LMLN: variants seen among roughly 807,000 people sequenced by gnomAD.
The protein encoded by LMLN is leishmanolysin like peptidase.
A neutral mutation model predicts 92.3 loss-of-function variants in LMLN; 70 were observed. The observed-to-expected ratio is 0.76, with a 90% CI of 0.63 to 0.92. LMLN has a LOEUF of 0.92. Among genes scored for constraint, LMLN ranks in the 40% least tolerant of loss-of-function variants. The pLI is 0.00. For synonymous variants in LMLN, 308 were observed against 296.2 expected, an observed-to-expected ratio of 1.04 and a Z score of -0.41; for missense variants, 691 against 814.6, an observed-to-expected ratio of 0.85 and a Z score of 1.85.
At chr3:197,992,587 GAAGAAATAAAAAATCTGAAC>G (rs1721905740) in intron 9 of LMLN, among the ~76,000 whole-genome samples, 1 of 152,116 alleles carries the variant, frequency 6.6e-6, no homozygotes, top group South Asian at 2.1e-4. Flanking sequence ...ACTGAATCAT[GAAGAAATAAAAAATCTGAAC>G]AGGTTAATAA....
chr3:197,964,931 C>G (rs1028460588), intron 1 of LMLN, among the ~76,000 whole-genome samples: 1 of 150,654 alleles, frequency 6.6e-6, no homozygotes, highest in Admixed American at 6.6e-5. Flanking sequence ...TGCTTGAATT[C>G]AGGAGGTGGA....
At chr3:197,977,349 A>G (rs1266611685) in intron 5 of LMLN, among the ~76,000 whole-genome samples, 1 of 152,182 alleles carries the variant, frequency 6.6e-6, no homozygotes, top group African/African-American at 2.4e-5. Context: ...TAAAAAAATG[A>G]TCAAACAATC....
rs1447792421 is a variant in LMLN, at chr3:198,038,952, C to A, written c.*285C>A. The stretch of plus-strand genomic sequence containing the variant: ...AGCAACCCAACCACCTCGTCAGCAA[C>A]CCAGCCACCTTCATCAGCAACCCAA... On this transcript the variant is annotated 3_prime_UTR_variant, in exon 16 of 16. Coordinates refer to ENST00000330198, the Ensembl canonical transcript of LMLN. 11 of 319,888 alleles carry A rather than the reference C, an allele frequency of 3.4e-5. 1 individual carries two copies. The highest frequency in any genetic ancestry group is 4.1e-5 in the Non-Finnish European group (7 of 171,932). 19.8% of individuals were successfully genotyped at this position (319,888 alleles called of 1,614,324 possible). A position where few individuals can be genotyped will look rare whatever the true frequency, so the allele number is the denominator to read the frequency against.
intron 14 of LMLN, among the ~76,000 whole-genome samples, chr3:198,034,923 A>C (rs1723170584): frequency 6.6e-6 from 1 of 152,086 alleles, no homozygotes; most frequent in Non-Finnish European, 1.5e-5. Flanking sequence ...GGCCAGGTGC[A>C]GTGGCTCAAA....
Position 198,019,170 on chromosome 3 carries a change from TGGAATTCCATTTGTTGGC to T in LMLN, c.1233-82_1233-65del. The T allele has an allele frequency of 7.4e-7, 1 of 1,356,960 alleles. No individual in the cohort carries two copies. The highest frequency in any genetic ancestry group is 2.4e-5 in the East Asian group (1 of 41,508). 84.1% of individuals were successfully genotyped at this position (1,356,960 alleles called of 1,614,324 possible). On this transcript the variant is annotated intron_variant, in intron 11 of 15. Transcript: ENST00000330198. This position sits in a 1 kb window ranked among gnomAD's most constrained non-coding sequence, Gnocchi z 5.5. ...AGGTTTGTATTTTTAGGCCAGGATC[TGGAATTCCATTTGTTGGC>T]TGTATAATGGACTTGCAGTATTTTC... is the stretch of plus-strand genomic sequence containing the variant.
intron 9 of LMLN, 30 bp from the exon 10 acceptor site, chr3:197,996,145 T>C (rs760480588): frequency 1.5e-6 from 2 of 1,340,976 alleles, no homozygotes; most frequent in Non-Finnish European, 2.1e-6. Context: ...TTGTACCATA[T>C]TTGTTTCTGA....
At position 197,992,434 on chromosome 3, in the gene LMLN, A is replaced by G. The variant is rs370556659; in HGVS notation, c.1047+1758A>G. 3.1e-3 allele frequency among the ~76,000 whole-genome samples: 466 copies of G among 152,316 alleles called. 5 individuals are homozygous for G. Among genetic ancestry groups the G allele is most frequent in the African/African-American group, 0.011 (450 of 41,574 alleles). On this transcript the variant is annotated intron_variant, in intron 9 of 15. Coordinates refer to ENST00000330198, the Ensembl canonical transcript of LMLN. ...GTTAGACTAAGAAGATGCAAATAAC[A>G]TAAGAAATGAAAGAGGAGACATTAC...
chr3:197,975,320 C>G (rs151182504), intron 3 of LMLN, among the ~76,000 whole-genome samples: 2 of 152,088 alleles, frequency 1.3e-5, no homozygotes, highest in Non-Finnish European at 2.9e-5. Flanking sequence ...TGCTTGCTTT[C>G]TCAAGTTTTT....
intron 11 of LMLN, among the ~76,000 whole-genome samples, chr3:198,003,457 C>T (rs1163695853): frequency 6.6e-6 from 1 of 152,088 alleles, no homozygotes; most frequent in Admixed American, 6.6e-5. Context: ...CACCTGTAAA[C>T]ATAGATGCAA....
intron 13 of LMLN, among the ~76,000 whole-genome samples, 179 bp from the exon 15 acceptor site, chr3:198,024,479 C>T (rs555950364): frequency 3.3e-5 from 5 of 152,258 alleles, no homozygotes; most frequent in East Asian, 1.9e-4. Context: ...CCTCACAAAA[C>T]CCTGGGATTA....
chr3:197,962,322 A>G, intron 1 of LMLN, among the ~76,000 whole-genome samples: 1 of 152,144 alleles, frequency 6.6e-6, no homozygotes, highest in Non-Finnish European at 1.5e-5. Flanking sequence ...ATTCCTTTGA[A>G]TTGCTGAGTA....
At chr3:197,969,087 C>G (rs1036601898) in intron 1 of LMLN, among the ~76,000 whole-genome samples, 2 of 144,558 alleles carry the variant, frequency 1.4e-5, no homozygotes, top group Admixed American at 7.0e-5. Context: ...TTCTCTCTGT[C>G]TTTTTTTTTT....
rs1723431056 is a variant in LMLN, at chr3:198,042,370, C to T, written c.*3703C>T. On this transcript the variant is annotated 3_prime_UTR_variant, in exon 16 of 16. Coordinates refer to ENST00000330198, the Ensembl canonical transcript of LMLN. The surrounding 1 kb of genome is among the most constrained non-coding windows in gnomAD (Gnocchi z 4.2). ...CACCACTGCACTGCAGCCTGGATGA[C>T]AGAGTGAGACTTTCTTGGGAAAAAA... The T allele has an allele frequency of 6.6e-6, 1 of 151,074 alleles. No homozygotes were observed. The highest frequency in any genetic ancestry group is 1.5e-5 in the Non-Finnish European group (1 of 67,980). 9.4% of individuals were successfully genotyped at this position (151,074 alleles called of 1,614,324 possible). A position where few individuals can be genotyped will look rare whatever the true frequency, so the allele number is the denominator to read the frequency against.
chr3:198,010,068 TG>T lies in LMLN; in HGVS notation c.1233-9184del, dbSNP rs1439622219. On this transcript the variant is annotated intron_variant, in intron 11 of 15. Coordinates refer to ENST00000330198, the Ensembl canonical transcript of LMLN. ...TTTTTGTATTGTTGATGTCTTCTATTGTTTTTTTGTTTTCAAATTCATTGAT... is the reference window on the plus strand; with the variant it reads ...TTTTTGTATTGTTGATGTCTTCTATTTTTTTTTGTTTTCAAATTCATTGAT... 3.3e-5 allele frequency among the ~76,000 whole-genome samples: 5 copies of T among 152,314 alleles called. No homozygotes were observed. The East Asian group carries it at 5.8e-4, about 18-fold the overall frequency.
intron 11 of LMLN, among the ~76,000 whole-genome samples, chr3:198,009,870 G>T (rs1444289440): frequency 6.6e-6 from 1 of 152,116 alleles, no homozygotes; most frequent in Admixed American, 6.6e-5. Context: ...TGGGGTAAAT[G>T]AGATATTTTG....
At chr3:198,030,508 A>C (rs553011579) in intron 14 of LMLN, among the ~76,000 whole-genome samples, 3 of 152,204 alleles carry the variant, frequency 2.0e-5, no homozygotes, top group Non-Finnish European at 4.4e-5. Flanking sequence ...AGTTGGGCTC[A>C]TCTCCTTTCA....
In LMLN at chr3:197,990,338, C is replaced by G. The variant is rs540072339; in HGVS notation, c.930-221C>G. 1.3e-3 allele frequency among the ~76,000 whole-genome samples: 191 copies of G among 152,154 alleles called. 2 individuals are homozygous for G. Among genetic ancestry groups the G allele is most frequent in the African/African-American group, 4.3e-3 (179 of 41,506 alleles). ...TCGGCCTGCTGAGGTGCTGGGATTA[C>G]AGGTGTGAGCCACTGCACCCAACCA... On this transcript the variant is annotated intron_variant, in intron 8 of 15. Coordinates refer to ENST00000330198, the Ensembl canonical transcript of LMLN.
intron 14 of LMLN, among the ~76,000 whole-genome samples, chr3:198,027,511 C>T (rs1234919459): frequency 6.6e-6 from 1 of 152,074 alleles, no homozygotes; most frequent in Admixed American, 6.6e-5. Context: ...ACAATCCCTC[C>T]CTCTTCCTCC....
chr3:197,982,545 G>A (rs1158005821), intron 6 of LMLN, among the ~76,000 whole-genome samples: 1 of 152,068 alleles, frequency 6.6e-6, no homozygotes, highest in African/African-American at 2.4e-5. Flanking sequence ...TCTTTTTCAA[G>A]GAAGTGAAAC....
Sources: gnomAD v4.1 joint callset for allele counts (sites outside exome capture counted in the v4.1 genomes callset) on GRCh38, gnomAD v4.1.1 for gene constraint, Gnocchi (gnomAD v3.1) non-coding constraint, MANE v1.5 for transcripts, NCBI Gene and HGNC (gene_info 2026-07-23, HGNC 2026-07-21) for gene names.